The following CYFIP2 variants were observed in gnomAD, a reference collection of about 807,000 sequenced individuals.
The protein encoded by CYFIP2 is cytoplasmic FMR1-interacting protein 2.
In CYFIP2, 29 loss-of-function variants were observed where a neutral mutation model predicts 158.7. That is an observed-to-expected ratio of 0.18 (90% CI 0.14 to 0.25). CYFIP2 has a LOEUF of 0.25. Ranked by LOEUF, CYFIP2 falls within the 10% of genes least tolerant of loss-of-function variation. The pLI is 1.00. For synonymous variants in CYFIP2, 585 were observed against 617.6 expected (o/e 0.95, Z 0.78); for missense variants, 852 against 1,639.5 (o/e 0.52, Z 8.29).
chr5:157,392,882 A>G lies in CYFIP2; in HGVS notation c.3644A>G (p.Asn1215Ser). Residue 1215 changes from asparagine to serine, a missense_variant, in exon 31 of 31, where the codon AAT becomes AGT. By Grantham distance (46) the Asn-to-Ser change is conservative (BLOSUM62 1). Transcript: ENST00000620254. ...ATCAGGAAGTATCAGATCTTGAACA[A>G]TGAGGTTTTTGCCATCCTGAACAAA... ...DRIRKYQILN[N>S]EVFAILNKYM... 9 of 1,613,988 alleles carry G rather than the reference A, an allele frequency of 5.6e-6. No individual in the cohort carries two copies. Among genetic ancestry groups the G allele is most frequent in the Non-Finnish European group, 7.6e-6 (9 of 1,179,876 alleles).
At chr5:157,333,490 C>T (rs1459158920) in intron 21 of CYFIP2, 44 bp downstream of exon 21, 1 of 1,613,364 alleles carries the variant, frequency 6.2e-7, no homozygotes, top group Non-Finnish European at 8.5e-7. Context: ...TGTGATTTCT[C>T]AGACTAGAAG....
intron 1 of CYFIP2, among the ~76,000 whole-genome samples, chr5:157,271,845 G>A (rs143435323): frequency 6.0e-4 from 91 of 152,258 alleles, no homozygotes; most frequent in African/African-American, 2.0e-3. Context: ...CTTTGTTTCC[G>A]TAGCAGATGC....
chr5:157,308,094 C>G (rs193069933), intron 9 of CYFIP2, among the ~76,000 whole-genome samples: 1 of 151,680 alleles, frequency 6.6e-6, no homozygotes, highest in Non-Finnish European at 1.5e-5. Flanking sequence ...AGCCACACAT[C>G]GTTCCAAGTT....
In CYFIP2 at chr5:157,311,511, C is replaced by T; in HGVS notation, c.993-153C>T. Reference sequence around the variant, plus strand: ...GGCCTGAAGCTCCCACAGTGTTGGACTTAGCAGGCTTTCTTGCTGAGGCGG... The same window carrying T: ...GGCCTGAAGCTCCCACAGTGTTGGATTTAGCAGGCTTTCTTGCTGAGGCGG... On this transcript the variant is annotated intron_variant, in intron 10 of 30. Coordinates refer to ENST00000620254, the MANE Select transcript of CYFIP2 (RefSeq NM_001037333.3). The surrounding 1 kb of genome is among the most constrained non-coding windows in gnomAD (Gnocchi z 4.7). 1 of 640,538 alleles carries T rather than the reference C, an allele frequency of 1.6e-6. No homozygotes were observed. The allele number at this position is 640,538 out of a possible 1,614,324, so 39.7% of individuals were successfully genotyped here. A position where few individuals can be genotyped will look rare whatever the true frequency, so the allele number is the denominator to read the frequency against.
At chr5:157,327,655 C>T (rs1005601149) in intron 18 of CYFIP2, among the ~76,000 whole-genome samples, 7 of 152,026 alleles carry the variant, frequency 4.6e-5, no homozygotes, top group Admixed American at 2.6e-4. Context: ...AGTTAGCGGA[C>T]GAATTTGAGC....
In CYFIP2 at chr5:157,332,620, G is replaced by A. The variant is rs187689670; in HGVS notation, c.2266-707G>A. Among the ~76,000 whole-genome samples the A allele has an allele frequency of 1.8e-4, 28 of 152,286 alleles. 1 individual carries two copies. The highest frequency in any genetic ancestry group is 1.7e-3 in the East Asian group (9 of 5,190). ...TCCAGTTTCTTATCGGTGCATGCACGTAGTTGTCAGGTGTCAGCGCGAATC... is the reference window on the plus strand; with the variant it reads ...TCCAGTTTCTTATCGGTGCATGCACATAGTTGTCAGGTGTCAGCGCGAATC... On this transcript the variant is annotated intron_variant, in intron 20 of 30. Coordinates refer to ENST00000620254, the MANE Select transcript of CYFIP2 (RefSeq NM_001037333.3).
chr5:157,369,226 C>T (rs1263870310), intron 26 of CYFIP2, among the ~76,000 whole-genome samples: 1 of 152,108 alleles, frequency 6.6e-6, no homozygotes, highest in Admixed American at 6.5e-5. Flanking sequence ...TATTAACACA[C>T]CATTTAACAA....
Position 157,389,169 on chromosome 5 carries a change from A to T in CYFIP2, c.3208-20A>T. On this transcript the variant is annotated intron_variant, in intron 28 of 30. Coordinates refer to ENST00000620254, the MANE Select transcript of CYFIP2 (RefSeq NM_001037333.3). The stretch of plus-strand genomic sequence containing the variant: ...GCTCTAAGATGTGGATAGAAGGTGT[A>T]TGTGCCCTTCTGTTTCCAGCAAATC... 1 of 1,584,384 alleles carries T rather than the reference A, an allele frequency of 6.3e-7. No individual in the cohort carries two copies. The highest frequency in any genetic ancestry group is 1.1e-5 in the South Asian group (1 of 87,290).
chr5:157,363,308 C>G (rs773447254), intron 26 of CYFIP2: 5 of 152,280 alleles, frequency 3.3e-5, no homozygotes, highest in Non-Finnish European at 7.3e-5. Flanking sequence ...CATCCATCCA[C>G]TCATTCAGCA....
chr5:157,337,166 T>G (rs906305196), intron 21 of CYFIP2, among the ~76,000 whole-genome samples: 4 of 152,130 alleles, frequency 2.6e-5, no homozygotes, highest in African/African-American at 9.7e-5. Flanking sequence ...CCTAAGTGAA[T>G]CAGAATAAAG....
At chr5:157,283,183 T>C (rs1757123807) in intron 1 of CYFIP2, among the ~76,000 whole-genome samples, 1 of 152,228 alleles carries the variant, frequency 6.6e-6, no homozygotes, top group Non-Finnish European at 1.5e-5. Context: ...GCCGAGGTTC[T>C]GTTTGTTCAT....
intron 26 of CYFIP2, among the ~76,000 whole-genome samples, chr5:157,380,864 A>G (rs994846017): frequency 6.6e-6 from 1 of 152,202 alleles, no homozygotes; most frequent in South Asian, 2.1e-4. Context: ...AGACATAGCA[A>G]TGAAGGCCAG....
chr5:157,338,457 T>C (rs1229165381), intron 21 of CYFIP2, among the ~76,000 whole-genome samples: 1 of 152,252 alleles, frequency 6.6e-6, no homozygotes, highest in African/African-American at 2.4e-5. Flanking sequence ...GAGCCCAGTT[T>C]CCTGGATTTG....
intron 30 of CYFIP2, 69 bp downstream of exon 30, chr5:157,390,737 C>T: frequency 6.5e-7 from 1 of 1,547,364 alleles, no homozygotes; most frequent in Non-Finnish European, 8.7e-7. Context: ...ACCAGAAAAG[C>T]AAACAAGGAG....
intron 1 of CYFIP2, 59 bp from the exon 2 acceptor site, chr5:157,285,280 T>G: frequency 8.5e-7 from 1 of 1,179,464 alleles, no homozygotes; most frequent in Non-Finnish European, 1.2e-6. Flanking sequence ...ATGGTGCGGT[T>G]AAGAGGAATT....
chr5:157,309,884 G>A (rs780801984), intron 10 of CYFIP2, 50 bp downstream of exon 10: 24 of 1,532,544 alleles, frequency 1.6e-5, no homozygotes, highest in Non-Finnish European at 1.9e-5. Context: ...TGCCCAGCCC[G>A]GGCAGAGAGC....
intron 4 of CYFIP2, 137 bp from the exon 5 acceptor site, chr5:157,296,536 G>C: frequency 1.3e-6 from 1 of 772,330 alleles, no homozygotes; most frequent in Non-Finnish European, 2.2e-6. Context: ...TGAGGTTTCA[G>C]TGAGCCATGA....
chr5:157,295,195 C>T (rs1039169251), intron 4 of CYFIP2, among the ~76,000 whole-genome samples: 2 of 152,332 alleles, frequency 1.3e-5, no homozygotes, highest in East Asian at 1.9e-4. Context: ...ACCCACATCC[C>T]GCCATGGGAT....
rs531121560 is a variant in CYFIP2 at position 157,327,741 on chromosome 5, T to C, written c.2080-232T>C. Among the ~76,000 whole-genome samples, 30 of 152,262 alleles carry C rather than the reference T, an allele frequency of 2.0e-4. 1 individual carries two copies. In the East Asian group the frequency reaches 5.8e-3, roughly 29 times the overall value. Reference sequence around the variant, plus strand: ...TCGAAACAGCTGAGGAGAGGGGCCGTGGGGAGATTGGGTCCTTTTTGAACT... The same window carrying C: ...TCGAAACAGCTGAGGAGAGGGGCCGCGGGGAGATTGGGTCCTTTTTGAACT... On this transcript the variant is annotated intron_variant, in intron 18 of 30. Transcript: ENST00000620254.
Sources: allele counts gnomAD v4.1 joint callset (sites outside exome capture counted in the v4.1 genomes callset), GRCh38; gene constraint gnomAD v4.1.1; non-coding constraint Gnocchi (gnomAD v3.1); transcripts MANE v1.5; gene names NCBI Gene and HGNC (gene_info 2026-07-23, HGNC 2026-07-21).